The following MLYCD variants were observed in gnomAD, a reference collection of about 807,000 sequenced individuals.
The protein encoded by MLYCD is malonyl-CoA decarboxylase, mitochondrial.
MLYCD carries 27 observed loss-of-function variants against 35.8 expected under a neutral mutation model. That is an observed-to-expected ratio of 0.75 (90% CI 0.56 to 1.04). The LOEUF (loss-of-function observed/expected upper bound fraction) is 1.04. Ranked by LOEUF, MLYCD falls within the 50% of genes least tolerant of loss-of-function variation. The pLI is 0.00. For synonymous variants in MLYCD, 403 were observed against 302.4 expected, an observed-to-expected ratio of 1.33 and a Z score of -3.45; for missense variants, 917 against 665.1, an observed-to-expected ratio of 1.38 and a Z score of -4.17.
Position 83,899,185 on chromosome 16 carries a change from T to G in MLYCD, c.41T>G (p.Leu14Arg), listed in dbSNP as rs956352614. ...CCAGGCTTGACGGCCAGGCGTCTCC[T>G]CCCGCTGCGGTTGCCCCCGCGGCCG... Reference protein sequence around the residue: ...FGPGLTARRLLPLRLPPRPPG... With the variant: ...FGPGLTARRLRPLRLPPRPPG... The change falls in exon 1 of 5, where the codon CTC becomes CGC. Residue 14 changes from leucine (L) to arginine (R), a missense_variant. Leu to Arg is a moderately radical substitution (Grantham distance 102). Transcript: ENST00000262430. 1 of 1,171,782 alleles carries G rather than the reference T, an allele frequency of 8.5e-7. No homozygotes were observed. Among genetic ancestry groups the G allele is most frequent in the African/African-American group, 1.6e-5 (1 of 61,146 alleles). The allele number at this position is 1,171,782 out of a possible 1,614,324, so 72.6% of individuals were successfully genotyped here.
intron 3 of MLYCD, 131 bp from the exon 4 acceptor site, chr16:83,912,087 A>T: frequency 7.5e-7 from 1 of 1,332,632 alleles, no homozygotes. Flanking sequence ...CCTGAACCCC[A>T]GCTGGGGAGC....
At chr16:83,903,805 G>T (rs751399172) in intron 1 of MLYCD, among the ~76,000 whole-genome samples, 2 of 152,170 alleles carry the variant, frequency 1.3e-5, no homozygotes, top group Non-Finnish European at 2.9e-5. Flanking sequence ...AATCCACTGA[G>T]AACTGTCGCT....
chr16:83,916,717 T>C lies in MLYCD; in HGVS notation c.*1228T>C, dbSNP rs1907410518. 1 of 142,402 alleles carries C rather than the reference T, an allele frequency of 7.0e-6. No homozygotes were observed. The highest frequency in any genetic ancestry group is 1.5e-5 in the Non-Finnish European group (1 of 66,514). The allele number at this position is 142,402 out of a possible 1,614,324, so 8.8% of individuals were successfully genotyped here. On this transcript the variant is annotated 3_prime_UTR_variant, in exon 5 of 5. Coordinates refer to ENST00000262430, the MANE Select transcript of MLYCD (RefSeq NM_012213.3). The stretch of plus-strand genomic sequence containing the variant: ...GCACGAGCGTCTCTGTGTGTATCAG[T>C]GCACGTCTGTGTGCGTGTGCCCGAG...
rs1407649608 is a variant in MLYCD, at chr16:83,912,360, A to G, written c.941A>G (p.Glu314Gly). The change falls in exon 4 of 5, where the codon GAG becomes GGG. Residue 314 changes from glutamate to glycine, a missense_variant. Transcript: ENST00000262430. ...TTCCTCATAAAGCGAGTCGTCAAGG[A>G]GTTGCAGGTAAGCGACACGCAGGGA... The part of the protein sequence containing the change: ...GTFLIKRVVK[E>G]LQREFPHLGV... The G allele has an allele frequency of 6.2e-7, 1 of 1,613,986 alleles. No individual in the cohort carries two copies. The highest frequency in any genetic ancestry group is 2.2e-5 in the East Asian group (1 of 44,872).
In MLYCD at chr16:83,916,124, G is replaced by T. The variant is rs1255324284; in HGVS notation, c.*635G>T. Reference sequence around the variant, plus strand: ...GGATAATAGGCTTTAAATGATCAGGGATTCAGGTTCATAATGAACTTCACA... The same window carrying T: ...GGATAATAGGCTTTAAATGATCAGGTATTCAGGTTCATAATGAACTTCACA... On this transcript the variant is annotated 3_prime_UTR_variant, in exon 5 of 5. Transcript: ENST00000262430. 7.0e-6 allele frequency: 7 copies of T among 993,116 alleles called. No individual in the cohort carries two copies. Among genetic ancestry groups the T allele is most frequent in the Non-Finnish European group, 8.4e-6 (7 of 833,482 alleles). 61.5% of individuals were successfully genotyped at this position (993,116 alleles called of 1,614,324 possible). A position where few individuals can be genotyped will look rare whatever the true frequency, so the allele number is the denominator to read the frequency against.
intron 3 of MLYCD, among the ~76,000 whole-genome samples, chr16:83,911,263 C>T (rs1424561041): frequency 6.6e-6 from 1 of 152,198 alleles, no homozygotes; most frequent in Admixed American, 6.5e-5. Flanking sequence ...CAGGCGTGAG[C>T]CACCGCGCCC....
chr16:83,908,454 C>G lies in MLYCD; in HGVS notation c.798+172C>G, dbSNP rs139299969. Among the ~76,000 whole-genome samples, 22 of 150,944 alleles carry G rather than the reference C, an allele frequency of 1.5e-4. 1 individual carries two copies. In the East Asian group the frequency reaches 4.3e-3, roughly 29 times the overall value. ...AATCTCCAGATTTGTAGGTGTAGAG[C>G]GTAGAAGTGTAACAGGCAGACAGTT... On this transcript the variant is annotated intron_variant, in intron 3 of 4. Transcript: ENST00000262430.
rs1346146030 is a variant in MLYCD at position 83,912,427 on chromosome 16, C to A, written c.948+60C>A. ...GCTTCCGTGTGGTCAGGTCAGCGAA[C>A]CTCGTGGGGTGTCAGGTGCCATGAG... is the stretch of plus-strand genomic sequence containing the variant. On this transcript the variant is annotated intron_variant, in intron 4 of 4. Coordinates refer to ENST00000262430, the MANE Select transcript of MLYCD (RefSeq NM_012213.3). 4 of 1,606,452 alleles carry A rather than the reference C, an allele frequency of 2.5e-6. No homozygotes were observed. The Admixed American group carries it at 6.7e-5, about 27-fold the overall frequency.
In MLYCD at chr16:83,899,142, A is replaced by G. The variant is rs1234234499; in HGVS notation, c.-3A>G. On this transcript the variant is annotated 5_prime_UTR_variant, in exon 1 of 5. Coordinates refer to ENST00000262430, the MANE Select transcript of MLYCD (RefSeq NM_012213.3). The stretch of plus-strand genomic sequence containing the variant: ...TCCCCCTCGGCAGCTGTTGTGGGGC[A>G]CCATGCGAGGCTTCGGGCCAGGCTT... The G allele has an allele frequency of 1.8e-6, 2 of 1,133,628 alleles. No individual in the cohort carries two copies. Among genetic ancestry groups the G allele is most frequent in the South Asian group, 7.5e-5 (2 of 26,702 alleles). The allele number at this position is 1,133,628 out of a possible 1,614,324, so 70.2% of individuals were successfully genotyped here.
chr16:83,909,401 C>A (rs9923422), intron 3 of MLYCD, among the ~76,000 whole-genome samples: 11,057 of 152,216 alleles, frequency 0.073, 479 homozygotes, highest in East Asian at 0.11. Flanking sequence ...CATCAGATAT[C>A]TGTGCATGTA....
intron 3 of MLYCD, 108 bp from the exon 4 acceptor site, chr16:83,912,110 C>T (rs1907199843): frequency 2.0e-6 from 3 of 1,509,538 alleles, no homozygotes; most frequent in Non-Finnish European, 2.8e-6. Flanking sequence ...AGGTCTCTTC[C>T]AGCTCCTTCA....
Position 83,918,919 on chromosome 16 carries a change from T to A in MLYCD, c.*3430T>A. 1 of 125,954 alleles carries A rather than the reference T, an allele frequency of 7.9e-6. No individual in the cohort carries two copies. Among genetic ancestry groups the A allele is most frequent in the Admixed American group, 8.5e-5 (1 of 11,798 alleles). 7.8% of individuals were successfully genotyped at this position (125,954 alleles called of 1,614,324 possible). On this transcript the variant is annotated 3_prime_UTR_variant, in exon 5 of 5. Coordinates refer to ENST00000262430, the MANE Select transcript of MLYCD (RefSeq NM_012213.3). ...GAGAACCACACTGCACAGGAGAATA[T>A]GCATAAACAGTTCACAGGAGAACAC...
rs1443721772 is a variant in MLYCD, at chr16:83,917,052, G to C, written c.*1563G>C. 9.3e-6 allele frequency: 1 copy of C among 107,270 alleles called. No homozygotes were observed. The highest frequency in any genetic ancestry group is 3.0e-4 in the East Asian group (1 of 3,330). The allele number at this position is 107,270 out of a possible 1,614,324, so 6.6% of individuals were successfully genotyped here. On this transcript the variant is annotated 3_prime_UTR_variant, in exon 5 of 5. Transcript: ENST00000262430. ...TGTGTGCGTGTGCACAAGCGTCTCTGTGTGGATCAGTGCACGTCTGTGTGC... is the reference window on the plus strand; with the variant it reads ...TGTGTGCGTGTGCACAAGCGTCTCTCTGTGGATCAGTGCACGTCTGTGTGC...
rs753568309 is a variant in MLYCD, at chr16:83,915,405, C to T, written c.1398C>T (p.Thr466=). Residue 466 remains threonine (T), a synonymous_variant, in exon 5 of 5, where the codon ACC becomes ACT. Transcript: ENST00000262430. Reference sequence around the variant, plus strand: ...TGGAGGAGACGGGCCCCAACAGCACCTCCTACCTCGGCTCCAAGATCATCA... The same window carrying T: ...TGGAGGAGACGGGCCCCAACAGCACTTCCTACCTCGGCTCCAAGATCATCA... The part of the protein sequence containing the change: ...YFLEETGPNS[T]SYLGSKIIKA... The T allele has an allele frequency of 1.9e-6, 3 of 1,613,912 alleles. No homozygotes were observed. In the South Asian group the frequency reaches 3.3e-5, roughly 18 times the overall value.
Position 83,922,246 on chromosome 16 carries a change from A to G in MLYCD, c.*6757A>G, listed in dbSNP as rs375761900. On this transcript the variant is annotated 3_prime_UTR_variant, in exon 5 of 5. Transcript: ENST00000262430. Reference sequence around the variant, plus strand: ...CGCGTCCCGTCCCATCTCAGGAGCTACTCTGCTCCATTCCCCCCGTATCCG... The same window carrying G: ...CGCGTCCCGTCCCATCTCAGGAGCTGCTCTGCTCCATTCCCCCCGTATCCG... 1 of 150,736 alleles carries G rather than the reference A, an allele frequency of 6.6e-6. No homozygotes were observed. 9.3% of individuals were successfully genotyped at this position (150,736 alleles called of 1,614,324 possible). A position where few individuals can be genotyped will look rare whatever the true frequency, so the allele number is the denominator to read the frequency against.
At position 83,916,179 on chromosome 16, in the gene MLYCD, T is replaced by C; in HGVS notation, c.*690T>C. The stretch of plus-strand genomic sequence containing the variant: ...AGAACACGTTTGTTCTGTAAAGCAT[T>C]GAACATCTGATTGTGTAGTGGTGGT... On this transcript the variant is annotated 3_prime_UTR_variant, in exon 5 of 5. Coordinates refer to ENST00000262430, the MANE Select transcript of MLYCD (RefSeq NM_012213.3). 1 of 989,650 alleles carries C rather than the reference T, an allele frequency of 1.0e-6. No homozygotes were observed. Among genetic ancestry groups the C allele is most frequent in the Admixed American group, 6.0e-5 (1 of 16,706 alleles). 61.3% of individuals were successfully genotyped at this position (989,650 alleles called of 1,614,324 possible). A position where few individuals can be genotyped will look rare whatever the true frequency, so the allele number is the denominator to read the frequency against.
chr16:83,917,551 C>A lies in MLYCD; in HGVS notation c.*2062C>A, dbSNP rs574139563. 6.5e-6 allele frequency: 1 copy of A among 153,256 alleles called. No individual in the cohort carries two copies. Among genetic ancestry groups the A allele is most frequent in the Non-Finnish European group, 1.5e-5 (1 of 68,082 alleles). 9.5% of individuals were successfully genotyped at this position (153,256 alleles called of 1,614,324 possible). A position where few individuals can be genotyped will look rare whatever the true frequency, so the allele number is the denominator to read the frequency against. On this transcript the variant is annotated 3_prime_UTR_variant, in exon 5 of 5. Transcript: ENST00000262430. ...GTCTTCTGCGTACGGCGTGTTGCTT[C>A]GTGACAGACGGTGTGATCGCGGGAG... is the stretch of plus-strand genomic sequence containing the variant.
chr16:83,907,247 G>A, intron 2 of MLYCD, 148 bp downstream of exon 2: 1 of 723,514 alleles, frequency 1.4e-6, no homozygotes, highest in Non-Finnish European at 2.3e-6. Context: ...ATTTGCAAAT[G>A]CTGCGGCTGT....
At position 83,918,964 on chromosome 16, in the gene MLYCD, CACAG is replaced by C. The variant is rs1802474097; in HGVS notation, c.*3479_*3482del. 6.9e-6 allele frequency: 1 copy of C among 144,820 alleles called. No individual in the cohort carries two copies. The highest frequency in any genetic ancestry group is 6.9e-5 in the Admixed American group (1 of 14,512). 9.0% of individuals were successfully genotyped at this position (144,820 alleles called of 1,614,324 possible). A position where few individuals can be genotyped will look rare whatever the true frequency, so the allele number is the denominator to read the frequency against. On this transcript the variant is annotated 3_prime_UTR_variant, in exon 5 of 5. Transcript: ENST00000262430. ...GAACACGCACACACAGTGCATAGAG[CACAG>C]ACACAGTGCACAGGAGAACCACACA...
Sources: gnomAD v4.1 joint callset for allele counts (sites outside exome capture counted in the v4.1 genomes callset) on GRCh38, gnomAD v4.1.1 for gene constraint, MANE v1.5 for transcripts, NCBI Gene and HGNC (gene_info 2026-07-23, HGNC 2026-07-21) for gene names.